The following SYNE1 variants were observed in gnomAD, a reference collection of about 807,000 sequenced individuals.
SYNE1 encodes the protein nesprin-1.
Under a neutral mutation model 1,111.0 loss-of-function variants are expected in SYNE1, and 616 were observed. The observed-to-expected ratio is 0.55, with a 90% CI of 0.52 to 0.59. The LOEUF is 0.59. SYNE1 is among the 20% of genes least tolerant of loss of function. The pLI is 0.00. For missense variants in SYNE1, 10,006 were observed against 10,417.0 expected (o/e 0.96, Z 1.72); for synonymous variants, 3,855 against 3,825.8 (o/e 1.01, Z -0.28).
At chr6:152,193,442 C>T (rs985010052) in intron 127 of SYNE1, among the ~76,000 whole-genome samples, 14 of 152,032 alleles carry the variant, frequency 9.2e-5, no homozygotes, top group African/African-American at 2.4e-4. Flanking sequence ...TTCAGCCTCC[C>T]GAGTAGCAGG....
At chr6:152,559,667 C>T (rs1223137180) in intron 3 of SYNE1, among the ~76,000 whole-genome samples, 9 of 151,834 alleles carry the variant, frequency 5.9e-5, no homozygotes, top group Non-Finnish European at 1.0e-4. Flanking sequence ...TAATAAATGC[C>T]TACATTTTTA....
chr6:152,631,418 G>A (rs962431273), intron 2 of SYNE1, among the ~76,000 whole-genome samples: 10 of 152,148 alleles, frequency 6.6e-5, no homozygotes, highest in Admixed American at 1.3e-4. Context: ...GATGGCGCAG[G>A]GCCCTGAGTG....
chr6:152,391,153 C>A (rs1172930395), intron 52 of SYNE1, 124 bp downstream of exon 52: 2 of 1,441,204 alleles, frequency 1.4e-6, no homozygotes, highest in East Asian at 4.6e-5. Flanking sequence ...CCCAATTTCT[C>A]CATTTTGCCC....
At chr6:152,371,905 A>AGGACAGGACAGGACAGGAC (rs1563461784) in intron 59 of SYNE1, among the ~76,000 whole-genome samples, 12 of 52,604 alleles carry the variant, frequency 2.3e-4, no homozygotes, top group African/African-American at 6.9e-4. Context: ...AAGGAAAGGA[A>AGGACAGGACAGGACAGGAC]AGGAAAGGAA....
At chr6:152,181,596 T>C (rs1191628246) in intron 128 of SYNE1, among the ~76,000 whole-genome samples, 2 of 152,214 alleles carry the variant, frequency 1.3e-5, no homozygotes, top group African/African-American at 2.4e-5. Flanking sequence ...TTCTTTCACT[T>C]AGCATATTTT....
Position 152,155,894 on chromosome 6 carries a change from C to T in SYNE1, c.23978+16G>A, listed in dbSNP as rs756534075. ...GGTCTTTCCTCTTCCCTATCTGTTT[C>T]AGCATCCCAGCTCACTTCAGCCTCC... On this transcript the variant is annotated intron_variant, in intron 132 of 145. Transcript: ENST00000367255. 1.9e-6 allele frequency: 3 copies of T among 1,613,632 alleles called. No individual in the cohort carries two copies. The highest frequency in any genetic ancestry group is 1.7e-5 in the Admixed American group (1 of 60,010).
chr6:152,554,254 A>T (rs769266188), intron 3 of SYNE1, among the ~76,000 whole-genome samples: 1 of 152,072 alleles, frequency 6.6e-6, no homozygotes, highest in Non-Finnish European at 1.5e-5. Flanking sequence ...TAATAATGAG[A>T]TCAGTAGTTC....
chr6:152,477,349 T>A (rs1258572627), intron 14 of SYNE1, among the ~76,000 whole-genome samples: 1 of 151,924 alleles, frequency 6.6e-6, no homozygotes, highest in Non-Finnish European at 1.5e-5. Flanking sequence ...TCAAAAGAGG[T>A]GGCCAGAAAA....
chr6:152,220,887 C>T lies in SYNE1; in HGVS notation c.21816G>A (p.Lys7272=), dbSNP rs2080025957. The change falls in exon 119 of 146, where the codon AAG becomes AAA. Residue 7272 remains lysine, a synonymous_variant. Coordinates refer to ENST00000367255, the MANE Select transcript of SYNE1 (RefSeq NM_182961.4). ...TGGCAACCTCATCATCGGCAATGTCCTTGTTTGTGGCTGCCTTCAACAGCT... is the reference window on the plus strand; with the variant it reads ...TGGCAACCTCATCATCGGCAATGTCTTTGTTTGTGGCTGCCTTCAACAGCT... ...TNELLKAATN[K]DIADDEVATW... 6.2e-7 allele frequency: 1 copy of T among 1,614,036 alleles called. No homozygotes were observed. Among genetic ancestry groups the T allele is most frequent in the Admixed American group, 1.7e-5 (1 of 60,002 alleles).
intron 104 of SYNE1, among the ~76,000 whole-genome samples, chr6:152,252,820 G>A (rs1165945233): frequency 6.6e-6 from 1 of 152,184 alleles, no homozygotes; most frequent in Non-Finnish European, 1.5e-5. Flanking sequence ...GAAAAATAGA[G>A]AACGTGATTT....
intron 2 of SYNE1, among the ~76,000 whole-genome samples, chr6:152,631,996 A>G (rs769506950): frequency 6.6e-6 from 1 of 152,140 alleles, no homozygotes; most frequent in Non-Finnish European, 1.5e-5. Context: ...ATACCACTTG[A>G]AGCTTTTCCT....
rs1223595214 is a variant in SYNE1, at chr6:152,444,711, A to T, written c.3670-133T>A. The stretch of plus-strand genomic sequence containing the variant: ...AGGTGTACTACGTGACTGTGAAATG[A>T]TTCTCCACATCAGGCTAATTAGCCT... On this transcript the variant is annotated intron_variant, in intron 29 of 145. Transcript: ENST00000367255. 1.0e-5 allele frequency: 8 copies of T among 792,922 alleles called. No homozygotes were observed. In the Admixed American group the frequency reaches 1.4e-4, roughly 13 times the overall value. 49.1% of individuals were successfully genotyped at this position (792,922 alleles called of 1,614,324 possible). A position where few individuals can be genotyped will look rare whatever the true frequency, so the allele number is the denominator to read the frequency against.
intron 85 of SYNE1, 22 bp downstream of exon 85, chr6:152,318,841 C>G (rs2095801551): frequency 1.2e-6 from 2 of 1,613,588 alleles, no homozygotes; most frequent in Non-Finnish European, 1.7e-6. Flanking sequence ...TCAGTAGTAC[C>G]CTTTAAAATT....
rs1456917568 is a variant in SYNE1, at chr6:152,148,169, C to T, written c.24852G>A (p.Glu8284=). The change falls in exon 137 of 146, where the codon GAG becomes GAA. Residue 8284 remains glutamate (E), a synonymous_variant. Transcript: ENST00000367255. The surrounding 1 kb of genome is among the most constrained non-coding windows in gnomAD (Gnocchi z 4.1). ...TPASVDSIPL[E]WDHDYDLSRD... ...GACTGAGGTCATAGTCGTGATCCCA[C>T]TCCAGGGGGATGGAGTCCACACTAG... The T allele has an allele frequency of 6.2e-7, 1 of 1,614,236 alleles. No homozygotes were observed. Among genetic ancestry groups the T allele is most frequent in the Non-Finnish European group, 8.5e-7 (1 of 1,180,044 alleles).
At chr6:152,596,593 C>T (rs12526219) in intron 3 of SYNE1, among the ~76,000 whole-genome samples, 3,324 of 152,144 alleles carry the variant, frequency 0.022, 130 homozygotes, top group African/African-American at 0.076. Context: ...TATTATTATT[C>T]TTATTTCTTG....
At chr6:152,427,901 A>G (rs1397083476) in intron 37 of SYNE1, 85 bp from the exon 38 acceptor site, 1 of 1,580,704 alleles carries the variant, frequency 6.3e-7, no homozygotes, top group Non-Finnish European at 8.6e-7. Flanking sequence ...AGGGTCCAAC[A>G]CAAACCATAG....
In SYNE1 at chr6:152,330,006, C is replaced by A; in HGVS notation, c.14679G>T (p.Met4893Ile). Residue 4893 changes from methionine (M) to isoleucine (I), a missense_variant, in exon 78 of 146, where the codon ATG becomes ATT. Transcript: ENST00000367255. ...TCCTCAGCCAGTCCAGGGAGCGACT[C>A]ATCTCAGTCTGGAAGTCTATACTCT... ...MVQSIDFQTE[M>I]SRSLDWLRRV... is the part of the protein sequence containing the mutation. The A allele has an allele frequency of 6.2e-7, 1 of 1,614,202 alleles. No individual in the cohort carries two copies. Among genetic ancestry groups the A allele is most frequent in the East Asian group, 2.2e-5 (1 of 44,884 alleles).
rs373124804 is a variant in SYNE1, at chr6:152,365,050, A to G, written c.9973-31T>C. The G allele has an allele frequency of 2.1e-5, 34 of 1,612,526 alleles. No individual in the cohort carries two copies. In the African/African-American group the frequency reaches 4.4e-4, roughly 21 times the overall value. On this transcript the variant is annotated intron_variant, in intron 62 of 145. Coordinates refer to ENST00000367255, the MANE Select transcript of SYNE1 (RefSeq NM_182961.4). ...AAAACACATACAGAAGTCCTTTGTC[A>G]TTTGTATGTTTAACATTGCTGGCTT...
Position 152,483,124 on chromosome 6 carries a change from T to C in SYNE1, c.1311A>G (p.Glu437=). ...GTTTCCGTTGTATCGTGTTTGCTGT[T>C]TCCTCGTGGACCTGTTGAACGGTTA... ...EEITVQQVHE[E]TANTIQRKLE... Residue 437 remains glutamate, a synonymous_variant, in exon 14 of 146, where the codon GAA becomes GAG. Transcript: ENST00000367255. The C allele has an allele frequency of 1.2e-6, 2 of 1,614,242 alleles. No homozygotes were observed. The highest frequency in any genetic ancestry group is 1.7e-6 in the Non-Finnish European group (2 of 1,180,036).
Sources: allele counts gnomAD v4.1 joint callset (sites outside exome capture counted in the v4.1 genomes callset), GRCh38; gene constraint gnomAD v4.1.1; non-coding constraint Gnocchi (gnomAD v3.1); transcripts MANE v1.5; gene names NCBI Gene and HGNC (gene_info 2026-07-23, HGNC 2026-07-21).